RPS6KA2: variants seen among roughly 807,000 people sequenced by gnomAD.
The protein encoded by RPS6KA2 is ribosomal protein S6 kinase alpha-2.
A neutral mutation model predicts 91.8 loss-of-function variants in RPS6KA2; 42 were observed. The ratio of observed to expected loss-of-function variants is 0.46; its 90% CI spans 0.36 to 0.59. RPS6KA2 has a LOEUF of 0.59. Ranked by LOEUF, RPS6KA2 falls within the 20% of genes least tolerant of loss-of-function variation. The pLI is 0.00. For synonymous variants in RPS6KA2, 414 were observed against 393.6 expected (o/e 1.05, Z -0.61); for missense variants, 798 against 978.5 (o/e 0.82, Z 2.46).
At chr6:166,439,568 T>G (rs1186684954) in intron 14 of RPS6KA2, among the ~76,000 whole-genome samples, 1 of 152,214 alleles carries the variant, frequency 6.6e-6, no homozygotes, top group East Asian at 1.9e-4. Flanking sequence ...AAGCCTTTGT[T>G]GCCCTGGAGT....
chr6:166,468,795 T>C (rs948440370), intron 11 of RPS6KA2, among the ~76,000 whole-genome samples: 1 of 135,234 alleles, frequency 7.4e-6, no homozygotes, highest in Admixed American at 8.7e-5. Context: ...ATCTGGCAGG[T>C]GGAGCTTGCA....
At chr6:166,466,731 C>T (rs1240120778) in intron 11 of RPS6KA2, among the ~76,000 whole-genome samples, 2 of 152,254 alleles carry the variant, frequency 1.3e-5, no homozygotes, top group South Asian at 2.1e-4. Flanking sequence ...GATTCATTCA[C>T]TGACTTACTG....
chr6:166,680,985 G>A (rs779758761), intron 2 of RPS6KA2, among the ~76,000 whole-genome samples: 8 of 152,220 alleles, frequency 5.3e-5, no homozygotes, highest in African/African-American at 9.7e-5. Context: ...GGCGTATCGA[G>A]TGAGGACTGC....
chr6:166,487,001 T>A (rs1181233977), intron 10 of RPS6KA2, among the ~76,000 whole-genome samples: 1 of 152,222 alleles, frequency 6.6e-6, no homozygotes, highest in African/African-American at 2.4e-5. Context: ...TGTGGACGTT[T>A]CATAATTGAT....
intron 2 of RPS6KA2, among the ~76,000 whole-genome samples, chr6:166,786,042 T>C (rs1051504548): frequency 1.3e-5 from 2 of 152,232 alleles, no homozygotes; most frequent in African/African-American, 4.8e-5. Context: ...ACAATTCAGA[T>C]ATCCTTTTTC....
chr6:166,605,467 T>C (rs1785918784), intron 1 of RPS6KA2, among the ~76,000 whole-genome samples: 1 of 152,214 alleles, frequency 6.6e-6, no homozygotes, highest in African/African-American at 2.4e-5. Flanking sequence ...AATTATGTTA[T>C]CGGGATTGAT....
At position 166,480,115 on chromosome 6, in the gene RPS6KA2, A is replaced by G. The variant is rs926150989; in HGVS notation, c.907+8718T>C. ...TACTTGGGTGAGGTGCATGTGCTTT[A>G]CTTTTGCAGAGATTTTTCAGGTTGA... On this transcript the variant is annotated intron_variant, in intron 10 of 20. Transcript: ENST00000265678. 2.6e-5 allele frequency among the ~76,000 whole-genome samples: 4 copies of G among 152,096 alleles called. 1 individual carries two copies. The highest frequency in any genetic ancestry group is 4.1e-4 in the South Asian group (2 of 4,832).
At chr6:166,809,578 T>C (rs115872854) in intron 2 of RPS6KA2, among the ~76,000 whole-genome samples, 2,169 of 152,264 alleles carry the variant, frequency 0.014, 57 homozygotes, top group African/African-American at 0.049. Context: ...ATGGCTAACA[T>C]GTATGTAAAG....
At chr6:166,679,707 T>A (rs1483065154) in intron 2 of RPS6KA2, among the ~76,000 whole-genome samples, 1 of 152,182 alleles carries the variant, frequency 6.6e-6, no homozygotes, top group Non-Finnish European at 1.5e-5. Context: ...GGCCCATCTC[T>A]GGGGCTGGCC....
chr6:166,439,443 C>T (rs1779450181), intron 14 of RPS6KA2, among the ~76,000 whole-genome samples: 1 of 152,220 alleles, frequency 6.6e-6, no homozygotes, highest in African/African-American at 2.4e-5. Flanking sequence ...TAGCCTTTCA[C>T]TACCAAATAT....
chr6:166,793,912 C>T (rs1050492767), intron 2 of RPS6KA2, among the ~76,000 whole-genome samples: 2 of 149,562 alleles, frequency 1.3e-5, no homozygotes, highest in African/African-American at 4.9e-5. Context: ...TAGAAGAAAA[C>T]CTAGGCAATA....
In RPS6KA2 at chr6:166,430,260, AC is replaced by A. The variant is rs531958554; in HGVS notation, c.1581+192del. Among the ~76,000 whole-genome samples, 168 of 152,082 alleles carry A rather than the reference AC, an allele frequency of 1.1e-3. 2 individuals carry two copies. The highest frequency in any genetic ancestry group is 3.9e-3 in the African/African-American group (160 of 41,490). On this transcript the variant is annotated intron_variant, in intron 16 of 20. Coordinates refer to ENST00000265678, the MANE Select transcript of RPS6KA2 (RefSeq NM_021135.6). Reference sequence around the variant, plus strand: ...TGGGATTACAGGTGTGAGCCACTGCACCCGGCTGGGAAGAGAATTTTTCTTC... The same window carrying A: ...TGGGATTACAGGTGTGAGCCACTGCACCGGCTGGGAAGAGAATTTTTCTTC...
intron 16 of RPS6KA2, among the ~76,000 whole-genome samples, chr6:166,427,275 T>C (rs983599253): frequency 4.6e-5 from 7 of 152,108 alleles, no homozygotes; most frequent in South Asian, 4.2e-4. Context: ...AAACTCTCAA[T>C]AAATTAGGTA....
chr6:166,528,493 C>T (rs1207851360), intron 3 of RPS6KA2, among the ~76,000 whole-genome samples: 1 of 150,418 alleles, frequency 6.6e-6, no homozygotes, highest in African/African-American at 2.5e-5. Flanking sequence ...CAATACCATT[C>T]AGGACATAGG....
chr6:166,709,426 G>A (rs1358825176), intron 2 of RPS6KA2, among the ~76,000 whole-genome samples: 1 of 152,166 alleles, frequency 6.6e-6, no homozygotes, highest in African/African-American at 2.4e-5. Flanking sequence ...CCAGGTGCTG[G>A]AGGCTAGCCT....
At chr6:166,829,589 C>CAAAAAAAAAAAAAAAAAAA (rs57711560) in intron 2 of RPS6KA2, among the ~76,000 whole-genome samples, 2 of 96,938 alleles carry the variant, frequency 2.1e-5, no homozygotes, top group African/African-American at 9.5e-5. Flanking sequence ...GACTCTGTCT[C>CAAAAAAAAAAAAAAAAAAA]AAAAAAAAAA....
In RPS6KA2 at chr6:166,448,749, G is replaced by C. The variant is rs186164269; in HGVS notation, c.1307C>G (p.Ala436Gly). 6.2e-7 allele frequency: 1 copy of C among 1,613,326 alleles called. No homozygotes were observed. Among genetic ancestry groups the C allele is most frequent in the African/African-American group, 1.3e-5 (1 of 74,912 alleles). Residue 436 changes from alanine (A) to glycine (G), a missense_variant, in exon 14 of 21, where the codon GCC (alanine) becomes GGC (glycine). Transcript: ENST00000265678. This position sits in a 1 kb window ranked among gnomAD's most constrained non-coding sequence, Gnocchi z 4.7. ...YSVCKRCVHK[A>G]TDTEYAVKII... ...CTTCACGGCATACTCGGTGTCTGTG[G>C]CTTTATGCACACATCGCTTGCACAC...
chr6:166,835,032 T>G (rs1213413938), intron 2 of RPS6KA2, among the ~76,000 whole-genome samples: 1 of 152,198 alleles, frequency 6.6e-6, no homozygotes, highest in Non-Finnish European at 1.5e-5. Context: ...TTTATAAATA[T>G]CTACTTGTTC....
chr6:166,551,478 C>A (rs1784021682), intron 1 of RPS6KA2, among the ~76,000 whole-genome samples: 1 of 152,142 alleles, frequency 6.6e-6, no homozygotes, highest in African/African-American at 2.4e-5. Context: ...CGAATGGAAG[C>A]CCTACGAAAA....
Sources: gnomAD v4.1 joint callset for allele counts (sites outside exome capture counted in the v4.1 genomes callset) on GRCh38, gnomAD v4.1.1 for gene constraint, Gnocchi (gnomAD v3.1) non-coding constraint, MANE v1.5 for transcripts, NCBI Gene and HGNC (gene_info 2026-07-23, HGNC 2026-07-21) for gene names.